The following ARHGAP15 variants were observed in gnomAD, a reference collection of about 807,000 sequenced individuals.
ARHGAP15 encodes the protein rho GTPase-activating protein 15.
In ARHGAP15, 51 loss-of-function variants were observed where a neutral mutation model predicts 63.7. The observed-to-expected ratio is 0.80, with a 90% CI of 0.64 to 1.01. The LOEUF is 1.01. Among genes scored for constraint, ARHGAP15 ranks in the 50% least tolerant of loss-of-function variants. ARHGAP15 has a pLI of 0.00. For synonymous variants in ARHGAP15, 191 were observed against 193.8 expected, an observed-to-expected ratio of 0.99 and a Z score of 0.12; for missense variants, 560 against 564.6, an observed-to-expected ratio of 0.99 and a Z score of 0.08.
intron 12 of ARHGAP15, among the ~76,000 whole-genome samples, chr2:143,646,822 T>C (rs1251889931): frequency 6.6e-6 from 1 of 152,020 alleles, no homozygotes; most frequent in African/African-American, 2.4e-5. Flanking sequence ...CATACTATAA[T>C]CTCATAATCA....
intron 12 of ARHGAP15, among the ~76,000 whole-genome samples, chr2:143,659,977 T>A (rs1681668228): frequency 1.3e-5 from 2 of 152,126 alleles, no homozygotes; most frequent in South Asian, 4.1e-4. Flanking sequence ...TGGGCCAACA[T>A]CCTGAATTTT....
intron 13 of ARHGAP15, among the ~76,000 whole-genome samples, chr2:143,743,696 G>T (rs776293891): frequency 6.6e-6 from 1 of 151,970 alleles, no homozygotes; most frequent in South Asian, 2.1e-4. Context: ...CTTTCAGCTT[G>T]GTATAAAACA....
chr2:143,542,613 A>G (rs1379985145), intron 10 of ARHGAP15, among the ~76,000 whole-genome samples: 1 of 145,580 alleles, frequency 6.9e-6, no homozygotes, highest in Non-Finnish European at 1.5e-5. Flanking sequence ...GTGTGTGTGC[A>G]TATATATCAT....
At chr2:143,209,277 A>C (rs1193400070) in intron 3 of ARHGAP15, among the ~76,000 whole-genome samples, 1 of 152,152 alleles carries the variant, frequency 6.6e-6, no homozygotes, top group Admixed American at 6.6e-5. Flanking sequence ...GGCTGTTAAT[A>C]ATAAGTTATG....
rs35410108 is a variant in ARHGAP15, at chr2:143,535,904, CA to C, written c.925+16541del. Among the ~76,000 whole-genome samples the C allele has an allele frequency of 7.0e-3, 1,060 of 152,178 alleles. 3 individuals carry two copies. Among genetic ancestry groups the C allele is most frequent in the Middle Eastern group, 0.014 (4 of 294 alleles). Reference sequence around the variant, plus strand: ...TAAATGTTGTATCAATGAACATCAGCATATATAAAACGTCTTAGTTTTTTTT... The same window carrying C: ...TAAATGTTGTATCAATGAACATCAGCTATATAAAACGTCTTAGTTTTTTTT... On this transcript the variant is annotated intron_variant, in intron 10 of 13. Transcript: ENST00000295095.
At chr2:143,486,436 T>TGTAGCC (rs1413188056) in intron 8 of ARHGAP15, among the ~76,000 whole-genome samples, 5 of 146,058 alleles carry the variant, frequency 3.4e-5, no homozygotes, top group African/African-American at 1.3e-4. Context: ...TTTAGTCAGG[T>TGTAGCC]GTAGCCAGTA....
intron 6 of ARHGAP15, among the ~76,000 whole-genome samples, chr2:143,291,525 T>G (rs1682400537): frequency 6.6e-6 from 1 of 152,024 alleles, no homozygotes; most frequent in South Asian, 2.1e-4. Context: ...TGTTATAGTT[T>G]TTTCTCTAAT....
intron 6 of ARHGAP15, among the ~76,000 whole-genome samples, chr2:143,429,703 G>C (rs892090551): frequency 6.6e-6 from 1 of 152,056 alleles, no homozygotes. Context: ...TCCATTGGTG[G>C]CCTGGCTTAT....
At chr2:143,139,237 C>A (rs543846136) in intron 1 of ARHGAP15, among the ~76,000 whole-genome samples, 1 of 152,078 alleles carries the variant, frequency 6.6e-6, no homozygotes, top group Non-Finnish European at 1.5e-5. Context: ...CTTCCAATTT[C>A]GATTACATCT....
At chr2:143,184,845 C>CT (rs1225031555) in intron 2 of ARHGAP15, among the ~76,000 whole-genome samples, 1 of 131,226 alleles carries the variant, frequency 7.6e-6, no homozygotes, top group Non-Finnish European at 1.7e-5. Flanking sequence ...GCTTTTTTTT[C>CT]TTTTTTCTTT....
At chr2:143,222,498 C>G (rs1317483879) in intron 4 of ARHGAP15, among the ~76,000 whole-genome samples, 1 of 152,102 alleles carries the variant, frequency 6.6e-6, no homozygotes, top group Non-Finnish European at 1.5e-5. Context: ...TGTGTTAAAC[C>G]CGGAGTTTAA....
intron 6 of ARHGAP15, among the ~76,000 whole-genome samples, chr2:143,379,089 A>G (rs887072226): frequency 6.6e-6 from 1 of 151,984 alleles, no homozygotes; most frequent in African/African-American, 2.4e-5. Flanking sequence ...TTGTTTTAGA[A>G]CTTCAAATTT....
At chr2:143,377,173 G>C (rs1253169094) in intron 6 of ARHGAP15, among the ~76,000 whole-genome samples, 1 of 151,772 alleles carries the variant, frequency 6.6e-6, no homozygotes, top group Non-Finnish European at 1.5e-5. Context: ...ATCCTATAAA[G>C]AATAAATACT....
At chr2:143,420,097 G>C (rs183542401) in intron 6 of ARHGAP15, among the ~76,000 whole-genome samples, 1 of 152,240 alleles carries the variant, frequency 6.6e-6, no homozygotes, top group Admixed American at 6.5e-5. Context: ...GTCAGGTCAG[G>C]ATACGGTTAC....
chr2:143,254,266 G>A (rs974095787), intron 6 of ARHGAP15, among the ~76,000 whole-genome samples: 3 of 152,056 alleles, frequency 2.0e-5, no homozygotes, highest in Non-Finnish European at 4.4e-5. Flanking sequence ...CCATGTGAAA[G>A]GATGGCAGCA....
intron 12 of ARHGAP15, among the ~76,000 whole-genome samples, chr2:143,662,910 C>T (rs1234736982): frequency 3.5e-5 from 5 of 144,428 alleles, no homozygotes; most frequent in Non-Finnish European, 4.6e-5. Context: ...AAATATGGGA[C>T]TATGTGAAAA....
At chr2:143,470,523 G>GTT (rs1691467057) in intron 8 of ARHGAP15, among the ~76,000 whole-genome samples, 1 of 140,914 alleles carries the variant, frequency 7.1e-6, no homozygotes, top group South Asian at 2.3e-4. Flanking sequence ...ATATTCTTTT[G>GTT]TTTTATATAT....
chr2:143,504,623 G>A (rs1293072420), intron 9 of ARHGAP15, among the ~76,000 whole-genome samples: 1 of 152,168 alleles, frequency 6.6e-6, no homozygotes, highest in Non-Finnish European at 1.5e-5. Flanking sequence ...TCACAACACA[G>A]CCTTTCTCTG....
intron 12 of ARHGAP15, among the ~76,000 whole-genome samples, chr2:143,649,823 A>G (rs1681071994): frequency 7.2e-6 from 1 of 138,732 alleles, no homozygotes; most frequent in African/African-American, 2.4e-5. Context: ...ACTTTGAACA[A>G]CTAGAACTCA....
Sources: allele counts gnomAD v4.1 joint callset (sites outside exome capture counted in the v4.1 genomes callset), GRCh38; gene constraint gnomAD v4.1.1; transcripts MANE v1.5; gene names NCBI Gene and HGNC (gene_info 2026-07-23, HGNC 2026-07-21).